The following RIMS2 variants were observed in gnomAD, a reference collection of about 807,000 sequenced individuals.
The protein encoded by RIMS2 is regulating synaptic membrane exocytosis protein 2.
A neutral mutation model predicts 174.4 loss-of-function variants in RIMS2; 59 were observed. That is an observed-to-expected ratio of 0.34 (90% CI 0.27 to 0.42). RIMS2 has a LOEUF of 0.42. Among genes scored for constraint, RIMS2 ranks in the 10% least tolerant of loss-of-function variants. The pLI is 1.00. For synonymous variants in RIMS2, 606 were observed against 572.5 expected, an observed-to-expected ratio of 1.06 and a Z score of -0.84; for missense variants, 1,620 against 1,666.3, an observed-to-expected ratio of 0.97 and a Z score of 0.48.
chr8:103,922,484 T>G (rs1166626898), intron 10 of RIMS2, among the ~76,000 whole-genome samples: 1 of 151,976 alleles, frequency 6.6e-6, no homozygotes, highest in Admixed American at 6.5e-5. Flanking sequence ...ATTAAACCAT[T>G]TTAAAATAGT....
intron 3 of RIMS2, among the ~76,000 whole-genome samples, chr8:103,787,677 C>T (rs560014118): frequency 0.011 from 1,671 of 152,130 alleles, 44 homozygotes; most frequent in African/African-American, 0.038. Context: ...GAGGGTAACC[C>T]GACCTTTCTC....
At chr8:103,972,623 C>T (rs1565610088) in intron 15 of RIMS2, among the ~76,000 whole-genome samples, 3 of 152,174 alleles carry the variant, frequency 2.0e-5, no homozygotes, top group Admixed American at 2.0e-4. Context: ...TCCAAGCACC[C>T]TATCCTCCTT....
intron 1 of RIMS2, among the ~76,000 whole-genome samples, chr8:103,518,358 G>A (rs931990678): frequency 2.0e-5 from 3 of 151,778 alleles, no homozygotes; most frequent in African/African-American, 7.3e-5. Context: ...ACTAACGATA[G>A]CTGATGAGCT....
rs376306876 is a variant in RIMS2, at chr8:103,646,048, T to G, written c.177-51038T>G. Among the ~76,000 whole-genome samples, 8 of 151,926 alleles carry G rather than the reference T, an allele frequency of 5.3e-5. No individual in the cohort carries two copies. In the East Asian group the frequency reaches 7.8e-4, roughly 15 times the overall value. Reference sequence around the variant, plus strand: ...GGGGGGTTGTTCTCTGGTGGGCAGTTGTGGGGTTCACAAAGTGCTCAGCAG... The same window carrying G: ...GGGGGGTTGTTCTCTGGTGGGCAGTGGTGGGGTTCACAAAGTGCTCAGCAG... On this transcript the variant is annotated intron_variant, in intron 1 of 23. Transcript: ENST00000504942.
At chr8:104,155,762 C>G (rs1194991233) in intron 19 of RIMS2, among the ~76,000 whole-genome samples, 2 of 152,088 alleles carry the variant, frequency 1.3e-5, no homozygotes, top group Non-Finnish European at 2.9e-5. Context: ...AGGAAAGTGG[C>G]TTAAAAAGAT....
chr8:104,214,806 C>T lies in RIMS2; in HGVS notation c.3335-30110C>T, dbSNP rs189221514. Among the ~76,000 whole-genome samples the T allele has an allele frequency of 2.7e-3, 409 of 152,244 alleles. 3 individuals are homozygous for T. Among genetic ancestry groups the T allele is most frequent in the African/African-American group, 9.5e-3 (396 of 41,528 alleles). ...TGATGATGACTTGCGTAGATTGGTT[C>T]CTGAGTTGGCTACTTTGCCCACAGC... is the stretch of plus-strand genomic sequence containing the variant. On this transcript the variant is annotated intron_variant, in intron 19 of 23. Transcript: ENST00000504942.
intron 2 of RIMS2, among the ~76,000 whole-genome samples, chr8:103,761,814 G>C (rs1485923422): frequency 6.6e-6 from 1 of 152,150 alleles, no homozygotes. Flanking sequence ...GTTGGCAATG[G>C]TTAGAGGTAG....
At chr8:103,632,730 GA>G (rs2095963733) in intron 1 of RIMS2, among the ~76,000 whole-genome samples, 1 of 84,754 alleles carries the variant, frequency 1.2e-5, no homozygotes, top group African/African-American at 5.6e-5. Flanking sequence ...CATATTTATT[GA>G]TTTTTTTTTT....
intron 4 of RIMS2, among the ~76,000 whole-genome samples, chr8:103,907,524 C>CT (rs912441308): frequency 3.3e-5 from 5 of 151,476 alleles, no homozygotes; most frequent in Non-Finnish European, 7.4e-5. Flanking sequence ...TCCTTCCTTC[C>CT]TTTTTTTTCT....
chr8:103,652,272 C>G (rs763316842), intron 1 of RIMS2, 35 bp downstream of exon 2: 9 of 1,282,436 alleles, frequency 7.0e-6, no homozygotes, highest in Non-Finnish European at 9.4e-6. Context: ...GTAGGCTTGA[C>G]TTCTGTACTT....
At chr8:103,756,850 C>T (rs1292307034) in intron 2 of RIMS2, among the ~76,000 whole-genome samples, 1 of 152,118 alleles carries the variant, frequency 6.6e-6, no homozygotes, top group African/African-American at 2.4e-5. Flanking sequence ...ACTTACTGAG[C>T]TCCCTTACTA....
intron 2 of RIMS2, among the ~76,000 whole-genome samples, chr8:103,731,463 T>A (rs1036689282): frequency 5.9e-5 from 9 of 152,200 alleles, no homozygotes; most frequent in Admixed American, 2.0e-4. Context: ...TATTCTAATC[T>A]TCTTGCCCTT....
chr8:103,619,555 G>C (rs2095586545), intron 1 of RIMS2, among the ~76,000 whole-genome samples: 1 of 152,022 alleles, frequency 6.6e-6, no homozygotes, highest in South Asian at 2.1e-4. Flanking sequence ...AAAATCTTCT[G>C]CATTCAAGGT....
intron 1 of RIMS2, among the ~76,000 whole-genome samples, chr8:103,617,903 G>A (rs1313179229): frequency 6.6e-6 from 1 of 152,158 alleles, no homozygotes; most frequent in Non-Finnish European, 1.5e-5. Context: ...TAAAGTGTTG[G>A]TGGGAGTGTA....
chr8:103,777,394 A>T (rs1487406346), intron 3 of RIMS2, among the ~76,000 whole-genome samples: 1 of 151,788 alleles, frequency 6.6e-6, no homozygotes, highest in African/African-American at 2.4e-5. Flanking sequence ...AAACATTTTC[A>T]CTGGTCAGCT....
intron 1 of RIMS2, among the ~76,000 whole-genome samples, chr8:103,503,213 T>G (rs1315063030): frequency 2.0e-5 from 3 of 151,994 alleles, no homozygotes; most frequent in Non-Finnish European, 4.4e-5. Flanking sequence ...TGGTTTCACA[T>G]TCTTGTTATA....
chr8:103,516,137 T>C (rs1828854767), intron 1 of RIMS2, among the ~76,000 whole-genome samples: 1 of 152,128 alleles, frequency 6.6e-6, no homozygotes, highest in Admixed American at 6.5e-5. Context: ...TTATGCTTTG[T>C]TATTTTAAAC....
At position 104,131,803 on chromosome 8, in the gene RIMS2, G is replaced by A. The variant is rs573651982; in HGVS notation, c.3335-113113G>A. Among the ~76,000 whole-genome samples the A allele has an allele frequency of 4.2e-4, 64 of 152,242 alleles. 1 individual carries two copies. In the South Asian group the frequency reaches 0.013, roughly 30 times the overall value. ...TAAATCTGACCAAGGCAGGAACTGA[G>A]GATTGGGGTTTATTGGGGAATATTT... On this transcript the variant is annotated intron_variant, in intron 19 of 23. Transcript: ENST00000504942.
At chr8:104,019,195 C>A (rs1307729475) in intron 19 of RIMS2, among the ~76,000 whole-genome samples, 1 of 152,060 alleles carries the variant, frequency 6.6e-6, no homozygotes, top group Non-Finnish European at 1.5e-5. Context: ...GAGACTGTGT[C>A]TCAAAAAAGT....
Sources: gnomAD v4.1 joint callset for allele counts (sites outside exome capture counted in the v4.1 genomes callset) on GRCh38, gnomAD v4.1.1 for gene constraint, MANE v1.5 for transcripts, NCBI Gene and HGNC (gene_info 2026-07-23, HGNC 2026-07-21) for gene names.